SLC14A2: variants seen among roughly 807,000 people sequenced by gnomAD.
SLC14A2 encodes urea transporter 2.
In SLC14A2, 91 loss-of-function variants were observed where a neutral mutation model predicts 104.6. The observed-to-expected ratio is 0.87, with a 90% CI of 0.73 to 1.04. SLC14A2 has a LOEUF of 1.04. Among genes scored for constraint, SLC14A2 ranks in the 50% least tolerant of loss-of-function variants. SLC14A2 has a pLI of 0.00. For missense variants in SLC14A2, 1,189 were observed against 1,156.0 expected (o/e 1.03, Z -0.41); for synonymous variants, 476 against 466.4 (o/e 1.02, Z -0.27).
intron 1 of SLC14A2, among the ~76,000 whole-genome samples, chr18:45,361,796 C>T (rs1242016406): frequency 7.5e-6 from 1 of 132,616 alleles, no homozygotes; most frequent in Non-Finnish European, 1.6e-5. Flanking sequence ...GAAAGTCTTG[C>T]AGTAATTTTT....
intron 2 of SLC14A2, among the ~76,000 whole-genome samples, chr18:45,553,399 T>C (rs568790562): frequency 8.5e-5 from 13 of 152,322 alleles, no homozygotes; most frequent in African/African-American, 3.1e-4. Flanking sequence ...CCAACCTCTC[T>C]GCTAGAAGGG....
At chr18:45,677,432 CTGAT>C (rs2046244543) in intron 18 of SLC14A2, among the ~76,000 whole-genome samples, 3 of 152,150 alleles carry the variant, frequency 2.0e-5, no homozygotes, top group Non-Finnish European at 4.4e-5. Flanking sequence ...ATCTGAGAGG[CTGAT>C]TAAGAGCCCA....
chr18:45,599,177 ACAG>A (rs1286312874), intron 2 of SLC14A2, among the ~76,000 whole-genome samples: 5 of 152,364 alleles, frequency 3.3e-5, no homozygotes, highest in African/African-American at 1.2e-4. Context: ...CTTACTTTGC[ACAG>A]CAGAACTTTC....
chr18:45,427,897 CTCT>C (rs2086457926), intron 1 of SLC14A2, among the ~76,000 whole-genome samples: 1 of 152,208 alleles, frequency 6.6e-6, no homozygotes, highest in African/African-American at 2.4e-5. Context: ...CAGGGCTTCG[CTCT>C]CCTCATCTGT....
chr18:45,668,660 C>T (rs1180988010), intron 15 of SLC14A2, among the ~76,000 whole-genome samples, 183 bp downstream of exon 15: 1 of 152,222 alleles, frequency 6.6e-6, no homozygotes, highest in Non-Finnish European at 1.5e-5. Context: ...GGTCTATACA[C>T]AGTATCCCAT....
chr18:45,396,071 A>G (rs1194013831), intron 1 of SLC14A2, among the ~76,000 whole-genome samples: 1 of 152,186 alleles, frequency 6.6e-6, no homozygotes, highest in African/African-American at 2.4e-5. Flanking sequence ...TTTTGGTCAA[A>G]TGAATCATTC....
the SLC14A2 span, among the ~76,000 whole-genome samples, chr18:45,194,135 C>T: frequency 6.6e-6 from 1 of 152,200 alleles, no homozygotes; most frequent in African/African-American, 2.4e-5. Flanking sequence ...ATGATCATAT[C>T]ATCAGTGAAT....
intron 1 of SLC14A2, among the ~76,000 whole-genome samples, chr18:45,347,131 C>T (rs760027317): frequency 2.6e-5 from 4 of 151,986 alleles, no homozygotes; most frequent in Non-Finnish European, 4.4e-5. Context: ...CAAGGCAGGC[C>T]GATCACTTCA....
chr18:45,314,719 G>A (rs1297821134), intron 1 of SLC14A2, among the ~76,000 whole-genome samples: 1 of 152,198 alleles, frequency 6.6e-6, no homozygotes, highest in South Asian at 2.1e-4. Context: ...GTGTAACCTG[G>A]AGATAAAAGA....
the SLC14A2 span, among the ~76,000 whole-genome samples, chr18:45,175,792 G>GA: frequency 6.6e-6 from 1 of 152,164 alleles, no homozygotes; most frequent in Non-Finnish European, 1.5e-5. Context: ...GCACACTTTT[G>GA]AAAGGGGTTA....
intron 2 of SLC14A2, among the ~76,000 whole-genome samples, chr18:45,511,817 G>T (rs1303708966): frequency 6.6e-6 from 1 of 152,206 alleles, no homozygotes; most frequent in Non-Finnish European, 1.5e-5. Context: ...TTTGGATGAA[G>T]AGTACAGATC....
the SLC14A2 span, among the ~76,000 whole-genome samples, chr18:45,170,684 TG>T: frequency 6.6e-6 from 1 of 152,206 alleles, no homozygotes; most frequent in Admixed American, 6.5e-5. Flanking sequence ...TTTTCATTGT[TG>T]CTGGTAACAC....
intron 1 of SLC14A2, among the ~76,000 whole-genome samples, chr18:45,261,514 C>T (rs1347822109): frequency 1.3e-5 from 2 of 151,756 alleles, no homozygotes; most frequent in East Asian, 1.9e-4. Context: ...CCCATTAACT[C>T]GTCATTTAGC....
At chr18:45,189,850 T>A in the SLC14A2 span, among the ~76,000 whole-genome samples, 1 of 152,150 alleles carries the variant, frequency 6.6e-6, no homozygotes, top group Non-Finnish European at 1.5e-5. Flanking sequence ...GCCAGGAGTA[T>A]GTGTGTCAGT....
At chr18:45,235,800 T>C (rs867753855) in intron 1 of SLC14A2, among the ~76,000 whole-genome samples, 8 of 117,028 alleles carry the variant, frequency 6.8e-5, no homozygotes, top group South Asian at 2.4e-4. Flanking sequence ...TATGCGCGTG[T>C]GTGTGTGTGT....
intron 1 of SLC14A2, among the ~76,000 whole-genome samples, chr18:45,301,887 T>G (rs958273727): frequency 6.6e-6 from 1 of 152,230 alleles, no homozygotes; most frequent in Admixed American, 6.5e-5. Context: ...ATGCTTTTAC[T>G]TATGATTCTC....
At chr18:45,436,483 A>T (rs1209534556) in intron 1 of SLC14A2, among the ~76,000 whole-genome samples, 1 of 152,098 alleles carries the variant, frequency 6.6e-6, no homozygotes, top group East Asian at 1.9e-4. Flanking sequence ...CAGAGACCAA[A>T]CCCTTTCAAA....
chr18:45,460,380 T>C (rs540896425), intron 1 of SLC14A2, among the ~76,000 whole-genome samples: 2 of 152,112 alleles, frequency 1.3e-5, no homozygotes, highest in Non-Finnish European at 2.9e-5. Context: ...TATCCCCACA[T>C]GTACACACTA....
At chr18:45,325,672 G>A (rs151035003) in intron 1 of SLC14A2, among the ~76,000 whole-genome samples, 7 of 152,252 alleles carry the variant, frequency 4.6e-5, no homozygotes, top group South Asian at 2.1e-4. Context: ...CGTAACAGCC[G>A]TGTTTAATGG....
Sources: gnomAD v4.1 joint callset for allele counts (sites outside exome capture counted in the v4.1 genomes callset) on GRCh38, gnomAD v4.1.1 for gene constraint, MANE v1.5 for transcripts, NCBI Gene and HGNC (gene_info 2026-07-23, HGNC 2026-07-21) for gene names.